The following TRMT13 variants were observed in gnomAD, a reference collection of about 807,000 sequenced individuals.
TRMT13 encodes tRNA:m(4)X modification enzyme TRM13 homolog.
TRMT13 carries 45 observed loss-of-function variants against 55.9 expected under a neutral mutation model. The ratio of observed to expected loss-of-function variants is 0.80; its 90% CI spans 0.63 to 1.03. TRMT13 has a LOEUF of 1.03. Among genes scored for constraint, TRMT13 ranks in the 50% least tolerant of loss-of-function variants. The probability of loss-of-function intolerance (pLI) is 0.00; values close to 1 mark genes in which losing one functional copy is unlikely to be tolerated. For synonymous variants in TRMT13, 183 were observed against 196.3 expected (o/e 0.93, Z 0.57); for missense variants, 513 against 563.9 (o/e 0.91, Z 0.91).
chr1:100,138,249 T>A (rs1022003471), intron 3 of TRMT13, among the ~76,000 whole-genome samples: 5 of 152,234 alleles, frequency 3.3e-5, no homozygotes, highest in East Asian at 3.8e-4. Flanking sequence ...ACAATTTTTT[T>A]AAATTTTGTA....
Position 100,148,147 on chromosome 1 carries a change from A to G in TRMT13, c.1071A>G (p.Gly357=). 1 of 1,614,206 alleles carries G rather than the reference A, an allele frequency of 6.2e-7. No individual in the cohort carries two copies. Among genetic ancestry groups the G allele is most frequent in the Non-Finnish European group, 8.5e-7 (1 of 1,180,028 alleles). ...AATATTTCAGGGCTCTAGGCCTTGGAGCAGTGGAATTCCATTATTTCCAGC... is the reference window on the plus strand; with the variant it reads ...AATATTTCAGGGCTCTAGGCCTTGGGGCAGTGGAATTCCATTATTTCCAGC... The part of the protein sequence containing the change: ...GKEYFRALGL[G]AVEFHYFQRM... The change falls in exon 10 of 11, where the codon GGA becomes GGG. Residue 357 remains glycine, a synonymous_variant. Coordinates refer to ENST00000370141, the MANE Select transcript of TRMT13 (RefSeq NM_019083.3).
intron 4 of TRMT13, 139 bp from the exon 5 acceptor site, chr1:100,140,043 G>T (rs1457846198): frequency 6.4e-6 from 4 of 627,034 alleles, no homozygotes; most frequent in Non-Finnish European, 8.4e-6. Flanking sequence ...TCTGATGGCA[G>T]CTTAGGGAAA....
Position 100,149,026 on chromosome 1 carries a change from G to T in TRMT13, c.*206G>T. On this transcript the variant is annotated 3_prime_UTR_variant, in exon 11 of 11. Coordinates refer to ENST00000370141, the MANE Select transcript of TRMT13 (RefSeq NM_019083.3). ...TCACCAAAGTAATCCTCTTTAGAAG[G>T]GCATCTTGAATTATATTATCCATCC... 6.4e-7 allele frequency: 1 copy of T among 1,556,660 alleles called. No homozygotes were observed. The highest frequency in any genetic ancestry group is 1.3e-5 in the South Asian group (1 of 79,734).
chr1:100,134,132 G>A (rs902717923), intron 1 of TRMT13, among the ~76,000 whole-genome samples: 4 of 152,162 alleles, frequency 2.6e-5, no homozygotes, highest in South Asian at 2.1e-4. Flanking sequence ...GCTGGAATGG[G>A]AAGGAAAGAT....
At chr1:100,141,152 T>G in intron 7 of TRMT13, 133 bp downstream of exon 7, 1 of 807,520 alleles carries the variant, frequency 1.2e-6, no homozygotes, top group Non-Finnish European at 1.9e-6. Flanking sequence ...AGCTTTTTAT[T>G]AGTTCTAATT....
intron 1 of TRMT13, among the ~76,000 whole-genome samples, chr1:100,135,228 C>G (rs1039624101): frequency 1.3e-5 from 2 of 152,104 alleles, no homozygotes; most frequent in Admixed American, 6.6e-5. Context: ...CTAAATTCAA[C>G]TAATAAATTT....
chr1:100,149,246 A>G lies in TRMT13; in HGVS notation c.*426A>G, dbSNP rs988627995. On this transcript the variant is annotated 3_prime_UTR_variant, in exon 11 of 11. Transcript: ENST00000370141. ...GATTGTAACAAGGGCCAATCTGAGA[A>G]TTTGACTTATATGTGGACATTTTTC... 2.9e-4 allele frequency: 431 copies of G among 1,505,090 alleles called. No individual in the cohort carries two copies. Among genetic ancestry groups the G allele is most frequent in the Middle Eastern group, 1.3e-3 (7 of 5,598 alleles). The allele number at this position is 1,505,090 out of a possible 1,614,324, so 93.2% of individuals were successfully genotyped here. A position where few individuals can be genotyped will look rare whatever the true frequency, so the allele number is the denominator to read the frequency against.
intron 3 of TRMT13, among the ~76,000 whole-genome samples, chr1:100,137,600 G>A (rs1442014586): frequency 6.6e-6 from 1 of 152,156 alleles, no homozygotes; most frequent in Non-Finnish European, 1.5e-5. Flanking sequence ...GGGCTGCCAT[G>A]CGATCCAGGA....
chr1:100,137,037 A>G lies in TRMT13; in HGVS notation c.213A>G (p.Gln71=), dbSNP rs1474480644. The G allele has an allele frequency of 1.9e-6, 3 of 1,613,054 alleles. No homozygotes were observed. The highest frequency in any genetic ancestry group is 2.5e-6 in the Non-Finnish European group (3 of 1,179,744). The change falls in exon 3 of 11, where the codon CAA becomes CAG. Residue 71 remains glutamine (Q), a synonymous_variant. Coordinates refer to ENST00000370141, the MANE Select transcript of TRMT13 (RefSeq NM_019083.3). ...LDPKHTVYED[Q]LAKHLKKCNS... ...AATTTAGCACAGTATATGAAGATCA[A>G]CTAGCAAAGCATTTGAAAAAATGTA...
intron 3 of TRMT13, among the ~76,000 whole-genome samples, chr1:100,138,003 A>G (rs916403649): frequency 6.6e-6 from 1 of 152,202 alleles, no homozygotes; most frequent in East Asian, 1.9e-4. Flanking sequence ...AGCATGTGCA[A>G]TATGTGTTCA....
At chr1:100,145,798 G>A (rs774351708) in intron 9 of TRMT13, among the ~76,000 whole-genome samples, 20 of 152,212 alleles carry the variant, frequency 1.3e-4, no homozygotes, top group Non-Finnish European at 2.8e-4. Flanking sequence ...TTGAGCCTAA[G>A]AGTCTGAGTC....
chr1:100,148,513 CTTAGTACA>C (rs1557917290), intron 10 of TRMT13, 104 bp from the exon 11 acceptor site: 1 of 1,109,300 alleles, frequency 9.0e-7, no homozygotes, highest in African/African-American at 1.6e-5. Context: ...GGACAAAGTA[CTTAGTACA>C]TTATGGGTTA....
At chr1:100,146,695 G>A (rs986801469) in intron 9 of TRMT13, among the ~76,000 whole-genome samples, 6 of 152,026 alleles carry the variant, frequency 3.9e-5, no homozygotes, top group African/African-American at 1.2e-4. Flanking sequence ...TAGTAGAGAC[G>A]GGATTTCACC....
chr1:100,140,342 C>G lies in TRMT13; in HGVS notation c.395-66C>G. 3.9e-6 allele frequency: 6 copies of G among 1,554,452 alleles called. No individual in the cohort carries two copies. In the Admixed American group the frequency reaches 1.0e-4, roughly 26 times the overall value. ...CATTCTGGTTTAAAATATGTTACTACTATTGTTCAGAATCCTACAATTACA... is the reference window on the plus strand; with the variant it reads ...CATTCTGGTTTAAAATATGTTACTAGTATTGTTCAGAATCCTACAATTACA... On this transcript the variant is annotated intron_variant, in intron 5 of 10. Coordinates refer to ENST00000370141, the MANE Select transcript of TRMT13 (RefSeq NM_019083.3).
chr1:100,138,882 G>T (rs973973994), intron 3 of TRMT13, among the ~76,000 whole-genome samples: 4 of 152,216 alleles, frequency 2.6e-5, no homozygotes, highest in African/African-American at 7.2e-5. Context: ...AGAAAGTTCT[G>T]TTGGACAATG....
intron 5 of TRMT13, 55 bp downstream of exon 5, chr1:100,140,306 T>A (rs1656432210): frequency 6.5e-7 from 1 of 1,541,344 alleles, no homozygotes; most frequent in Non-Finnish European, 9.0e-7. Flanking sequence ...AGGTGGTATA[T>A]GAGTTGATAC....
chr1:100,140,176 A>T lies in TRMT13; in HGVS notation c.325-6A>T. On this transcript the variant is annotated splice_polypyrimidine_tract_variant and splice_region_variant and intron_variant, in intron 4 of 10. Transcript: ENST00000370141. ...CTACATTATTTAGTTTTATTTTTGTATATAGGTTCCAATTTCTTCTCTATC... is the reference window on the plus strand; with the variant it reads ...CTACATTATTTAGTTTTATTTTTGTTTATAGGTTCCAATTTCTTCTCTATC... 6.3e-7 allele frequency: 1 copy of T among 1,596,240 alleles called. No individual in the cohort carries two copies. Among genetic ancestry groups the T allele is most frequent in the Non-Finnish European group, 8.6e-7 (1 of 1,168,008 alleles).
In TRMT13 at chr1:100,140,909, G is replaced by A. The variant is rs1297904030; in HGVS notation, c.559G>A (p.Val187Ile). 3 of 1,613,784 alleles carry A rather than the reference G, an allele frequency of 1.9e-6. No individual in the cohort carries two copies. The highest frequency in any genetic ancestry group is 2.5e-6 in the Non-Finnish European group (3 of 1,179,838). ...LKLLGPRRCF[V>I]EFGAGKGKLS... ...GTTACTTGGTCCAAGAAGATGCTTT[G>A]TTGAGTTTGGAGCGGGAAAGGGAAA... Residue 187 changes from valine (V) to isoleucine (I), a missense_variant, in exon 7 of 11, where the codon GTT becomes ATT. By Grantham distance (29) the Val-to-Ile change is conservative. Around this residue, in one of 3 missense-constraint regions of TRMT13, gnomAD observed 298 missense variants for 290.3 expected, o/e 1.03. Coordinates refer to ENST00000370141, the MANE Select transcript of TRMT13 (RefSeq NM_019083.3).
chr1:100,137,052 G>GA lies in TRMT13; in HGVS notation c.234dup (p.Cys79MetfsTer2). The GA allele has an allele frequency of 1.9e-6, 3 of 1,611,644 alleles. No individual in the cohort carries two copies. Among genetic ancestry groups the GA allele is most frequent in the Non-Finnish European group, 2.5e-6 (3 of 1,179,376 alleles). ...ATGAAGATCAACTAGCAAAGCATTT[G>GA]AAAAAATGTAACTCAAGAGAGAAAC... On this transcript the variant is annotated frameshift_variant, in exon 3 of 11. Transcript: ENST00000370141. LOFTEE classifies it high-confidence loss of function.
Sources: allele counts gnomAD v4.1 joint callset (sites outside exome capture counted in the v4.1 genomes callset), GRCh38; gene constraint gnomAD v4.1.1; regional missense constraint gnomAD v4.1.1; transcripts MANE v1.5; gene names NCBI Gene and HGNC (gene_info 2026-07-23, HGNC 2026-07-21).